The following ZDHHC15 variants were observed in gnomAD, a reference collection of about 807,000 sequenced individuals.
ZDHHC15 encodes palmitoyltransferase ZDHHC15.
Under a neutral mutation model 31.7 loss-of-function variants are expected in ZDHHC15, and 19 were observed. The observed-to-expected ratio is 0.60, with a 90% CI of 0.42 to 0.88. The LOEUF is 0.88. Ranked by LOEUF, ZDHHC15 falls within the 40% of genes least tolerant of loss-of-function variation. ZDHHC15 has a pLI of 0.00. For missense variants in ZDHHC15, 209 were observed against 251.2 expected, an observed-to-expected ratio of 0.83 and a Z score of 1.14; for synonymous variants, 103 against 90.0, an observed-to-expected ratio of 1.14 and a Z score of -0.82.
In ZDHHC15 at chrX:75,478,930, C is replaced by G. The variant is rs775404497; in HGVS notation, c.219G>C (p.Trp73Cys). 8.3e-7 allele frequency: 1 copy of G among 1,205,326 alleles called. No individual in the cohort carries two copies. Among genetic ancestry groups the G allele is most frequent in the East Asian group, 3.0e-5 (1 of 33,651 alleles). The change falls in exon 3 of 12, where the codon TGG becomes TGC. Residue 73 changes from tryptophan to cysteine, a missense_variant. Trp to Cys is a radical substitution (Grantham distance 215). Transcript: ENST00000373367. ...GCTGTGGGAGTGTAAAGATAGACTT[C>G]CAGTAGGTCCAGGTAAAGAACACAA... ...AIFVFFTWTYWKSIFTLPQQP... is the reference protein window; with the variant it reads ...AIFVFFTWTYCKSIFTLPQQP...
At chrX:75,395,642 A>T (rs2083291809) in intron 10 of ZDHHC15, among the ~76,000 whole-genome samples, 1 of 111,903 alleles carries the variant, frequency 8.9e-6, no homozygotes, top group African/African-American at 3.2e-5. Context: ...ATTAAATGCA[A>T]TCCCTCTTAA....
intron 10 of ZDHHC15, among the ~76,000 whole-genome samples, chrX:75,407,331 C>T (rs929086729): frequency 1.2e-4 from 13 of 111,213 alleles, no homozygotes; most frequent in Middle Eastern, 4.9e-3. Context: ...CCCCTCCACC[C>T]GGCAGCCACC....
intron 11 of ZDHHC15, among the ~76,000 whole-genome samples, chrX:75,374,660 T>A (rs982464931): frequency 1.1e-5 from 1 of 89,812 alleles, no homozygotes; most frequent in Non-Finnish European, 2.0e-5. Context: ...TAAATTTTAG[T>A]GTGTGTGTGT....
At chrX:75,447,753 T>C (rs1196454964) in intron 4 of ZDHHC15, among the ~76,000 whole-genome samples, 1 of 111,024 alleles carries the variant, frequency 9.0e-6, no homozygotes, top group East Asian at 2.9e-4. Flanking sequence ...TCTTGTGCTT[T>C]GCTAGTCTAG....
chrX:75,483,019 A>G (rs1020865940), intron 2 of ZDHHC15, among the ~76,000 whole-genome samples: 2 of 105,121 alleles, frequency 1.9e-5, no homozygotes, highest in African/African-American at 6.9e-5. Flanking sequence ...ATATATATGT[A>G]TATATATACA....
chrX:75,491,207 C>T (rs1454229435), intron 2 of ZDHHC15, among the ~76,000 whole-genome samples: 4 of 110,418 alleles, frequency 3.6e-5, no homozygotes, highest in Non-Finnish European at 7.6e-5. Flanking sequence ...TTCACAATAG[C>T]AAAGACTTGG....
intron 11 of ZDHHC15, among the ~76,000 whole-genome samples, chrX:75,374,658 AGT>A (rs760934695): frequency 0.038 from 3,814 of 99,688 alleles, 177 homozygotes; most frequent in African/African-American, 0.13. Flanking sequence ...AGTAAATTTT[AGT>A]GTGTGTGTGT....
intron 9 of ZDHHC15, among the ~76,000 whole-genome samples, chrX:75,420,180 T>C (rs1300015118): frequency 9.0e-6 from 1 of 111,249 alleles, no homozygotes; most frequent in Non-Finnish European, 1.9e-5. Context: ...AAGACATTTA[T>C]GTGGCCAACA....
chrX:75,405,183 C>A (rs2083398364), intron 10 of ZDHHC15, among the ~76,000 whole-genome samples: 1 of 111,153 alleles, frequency 9.0e-6, no homozygotes, highest in Non-Finnish European at 1.9e-5. Context: ...ATGATGAGAA[C>A]TTATGAACAA....
At chrX:75,464,731 G>T (rs994589904) in intron 3 of ZDHHC15, among the ~76,000 whole-genome samples, 1 of 111,515 alleles carries the variant, frequency 9.0e-6, no homozygotes, top group African/African-American at 3.3e-5. Context: ...CTCAATAGAT[G>T]CAGGCCTGTG....
chrX:75,452,521 G>A (rs1026473422), intron 3 of ZDHHC15, among the ~76,000 whole-genome samples: 3 of 111,382 alleles, frequency 2.7e-5, no homozygotes, highest in Non-Finnish European at 5.7e-5. Flanking sequence ...CTTGAACTCA[G>A]CTCTGCACCA....
chrX:75,497,340 CA>C (rs757648296), intron 2 of ZDHHC15, among the ~76,000 whole-genome samples: 1 of 111,005 alleles, frequency 9.0e-6, no homozygotes, highest in South Asian at 3.8e-4. Context: ...GAAAGAGTAA[CA>C]AAAAAATGCT....
Position 75,424,533 on chromosome X carries a change from G to A in ZDHHC15, c.736+119C>T, listed in dbSNP as rs969975255. On this transcript the variant is annotated intron_variant, in intron 8 of 11. Coordinates refer to ENST00000373367, the MANE Select transcript of ZDHHC15 (RefSeq NM_144969.3). Reference sequence around the variant, plus strand: ...TGTATTTTCATCTGTCTCAGTCTGGGGGTAGAGGGATGTCACTGCAGCTAA... The same window carrying A: ...TGTATTTTCATCTGTCTCAGTCTGGAGGTAGAGGGATGTCACTGCAGCTAA... The A allele has an allele frequency of 4.0e-6, 3 of 743,143 alleles. No individual in the cohort carries two copies. In the South Asian group the frequency reaches 1.2e-4, roughly 30 times the overall value. The allele number at this position is 743,143 out of a possible 1,213,427, so 61.2% of individuals were successfully genotyped here.
chrX:75,381,092 C>T (rs1214597097), intron 10 of ZDHHC15, among the ~76,000 whole-genome samples: 1 of 110,937 alleles, frequency 9.0e-6, no homozygotes, highest in Non-Finnish European at 1.9e-5. Context: ...AGTCGCATTA[C>T]CTCCCCAGCC....
intron 11 of ZDHHC15, among the ~76,000 whole-genome samples, chrX:75,374,255 T>G (rs957726024): frequency 9.1e-6 from 1 of 109,352 alleles, no homozygotes; most frequent in Non-Finnish European, 1.9e-5. Context: ...AGGTTTGGGA[T>G]AGCATTAGGA....
intron 11 of ZDHHC15, among the ~76,000 whole-genome samples, chrX:75,378,286 C>G (rs2083079998): frequency 8.9e-6 from 1 of 111,915 alleles, no homozygotes; most frequent in African/African-American, 3.2e-5. Context: ...TAGTAACATT[C>G]ATCTTACAGT....
intron 3 of ZDHHC15, among the ~76,000 whole-genome samples, chrX:75,468,918 CTTG>C (rs1366898630): frequency 9.0e-6 from 1 of 111,574 alleles, no homozygotes. Flanking sequence ...TGTTTGTTTT[CTTG>C]TTGTTTATTT....
At chrX:75,405,211 AC>A (rs1371466648) in intron 10 of ZDHHC15, among the ~76,000 whole-genome samples, 1 of 111,126 alleles carries the variant, frequency 9.0e-6, no homozygotes, top group Non-Finnish European at 1.9e-5. Context: ...GAAAAAACAG[AC>A]ACTGGTGTCT....
intron 2 of ZDHHC15, among the ~76,000 whole-genome samples, chrX:75,487,093 TCATAA>T (rs1159748423): frequency 9.0e-6 from 1 of 111,536 alleles, no homozygotes; most frequent in Non-Finnish European, 1.9e-5. Flanking sequence ...TTACAGCAAC[TCATAA>T]CAGAACAACC....
Sources: gnomAD v4.1 joint callset for allele counts (sites outside exome capture counted in the v4.1 genomes callset) on GRCh38, gnomAD v4.1.1 for gene constraint, MANE v1.5 for transcripts, NCBI Gene and HGNC (gene_info 2026-07-23, HGNC 2026-07-21) for gene names.